ALMS1: variants seen among roughly 807,000 people sequenced by gnomAD.
ALMS1 encodes the protein centrosome-associated protein ALMS1.
ALMS1 carries 271 observed loss-of-function variants against 352.2 expected under a neutral mutation model. The ratio of observed to expected loss-of-function variants is 0.77; its 90% CI spans 0.70 to 0.85. ALMS1 has a LOEUF of 0.85. Ranked by LOEUF, ALMS1 falls within the 40% of genes least tolerant of loss-of-function variation. ALMS1 has a pLI of 0.00. For synonymous variants in ALMS1, 1,865 were observed against 1,761.2 expected (o/e 1.06, Z -1.48); for missense variants, 5,445 against 4,870.7 (o/e 1.12, Z -3.51).
At chr2:73,476,024 A>G (rs1044780136) in intron 9 of ALMS1, among the ~76,000 whole-genome samples, 1 of 151,982 alleles carries the variant, frequency 6.6e-6, no homozygotes, top group Admixed American at 6.6e-5. Context: ...CTGAAACTCT[A>G]TATCCATTAA....
At chr2:73,538,211 T>G (rs999795121) in intron 12 of ALMS1, among the ~76,000 whole-genome samples, 2 of 152,034 alleles carry the variant, frequency 1.3e-5, no homozygotes, top group Non-Finnish European at 2.9e-5. Flanking sequence ...TCAACAACAA[T>G]AACCCAAACA....
intron 11 of ALMS1, among the ~76,000 whole-genome samples, chr2:73,534,112 ATAAT>A (rs957996427): frequency 3.3e-5 from 5 of 152,198 alleles, no homozygotes; most frequent in African/African-American, 7.2e-5. Context: ...TTTATTATAA[ATAAT>A]AGAAAAGCTG....
chr2:73,397,957 C>T (rs1572898918), intron 1 of ALMS1, among the ~76,000 whole-genome samples: 1 of 152,144 alleles, frequency 6.6e-6, no homozygotes, highest in East Asian at 1.9e-4. Context: ...GTGTTTTTCA[C>T]AAAGCAGAAT....
chr2:73,602,178 C>G lies in ALMS1; in HGVS notation c.12115-7C>G. 6.2e-7 allele frequency: 1 copy of G among 1,603,884 alleles called. No individual in the cohort carries two copies. The highest frequency in any genetic ancestry group is 8.5e-7 in the Non-Finnish European group (1 of 1,175,784). ...GCTGGGCATTTTCTCTTTTTTTTTT[C>G]TTTTAGGAATCGCTTCAGTTTCACA... On this transcript the variant is annotated splice_region_variant and splice_polypyrimidine_tract_variant and intron_variant, in intron 19 of 22. Transcript: ENST00000613296.
At chr2:73,523,027 A>T (rs1356982318) in intron 11 of ALMS1, among the ~76,000 whole-genome samples, 1 of 152,160 alleles carries the variant, frequency 6.6e-6, no homozygotes, top group Non-Finnish European at 1.5e-5. Flanking sequence ...TATTTCTAAG[A>T]TCTTCCATCT....
At chr2:73,465,985 A>G (rs1672333574) in intron 9 of ALMS1, among the ~76,000 whole-genome samples, 1 of 147,314 alleles carries the variant, frequency 6.8e-6, no homozygotes, top group South Asian at 2.3e-4. Flanking sequence ...TCAGGAAACA[A>G]CAGGTGCTGG....
At chr2:73,475,263 G>A (rs902193253) in intron 9 of ALMS1, among the ~76,000 whole-genome samples, 3 of 151,994 alleles carry the variant, frequency 2.0e-5, no homozygotes, top group Admixed American at 6.6e-5. Context: ...AGAATTACTG[G>A]GACATACAGT....
chr2:73,505,930 A>C (rs923909513), intron 10 of ALMS1, among the ~76,000 whole-genome samples: 1 of 152,148 alleles, frequency 6.6e-6, no homozygotes, highest in African/African-American at 2.4e-5. Flanking sequence ...TTTAGGTCTT[A>C]CATTTAAGTC....
intron 16 of ALMS1, among the ~76,000 whole-genome samples, 163 bp from the exon 17 acceptor site, chr2:73,599,238 T>A (rs1316915235): frequency 5.3e-5 from 8 of 152,126 alleles, no homozygotes; most frequent in Non-Finnish European, 7.4e-5. Context: ...ATTCTCCCTA[T>A]CACAGATACA....
intron 15 of ALMS1, among the ~76,000 whole-genome samples, chr2:73,568,992 C>CCTCTT (rs1558697963): frequency 6.0e-5 from 4 of 66,904 alleles, no homozygotes; most frequent in African/African-American, 2.1e-4. Flanking sequence ...GCTGCTTCTG[C>CCTCTT]TTCTTTTTTT....
At chr2:73,427,649 C>T (rs1289846045) in intron 6 of ALMS1, among the ~76,000 whole-genome samples, 5 of 152,076 alleles carry the variant, frequency 3.3e-5, no homozygotes, top group Admixed American at 2.0e-4. Context: ...CCCCCTACCC[C>T]GCGACGGGCC....
intron 9 of ALMS1, among the ~76,000 whole-genome samples, chr2:73,481,301 C>T (rs1018939768): frequency 6.6e-6 from 1 of 152,186 alleles, no homozygotes; most frequent in African/African-American, 2.4e-5. Context: ...ATATGGCTAG[C>T]CAGTTTTCCC....
At chr2:73,500,460 G>A (rs1205115892) in intron 10 of ALMS1, among the ~76,000 whole-genome samples, 3 of 152,174 alleles carry the variant, frequency 2.0e-5, no homozygotes, top group Non-Finnish European at 2.9e-5. Context: ...TCACTCTTGA[G>A]ACCACATTTC....
At chr2:73,458,232 A>G (rs1672113223) in intron 9 of ALMS1, 1 of 152,106 alleles carries the variant, frequency 6.6e-6, no homozygotes, top group Non-Finnish European at 1.5e-5. Flanking sequence ...CATATTGGCC[A>G]CACTGTGTAC....
At chr2:73,467,331 A>T (rs184737784) in intron 9 of ALMS1, among the ~76,000 whole-genome samples, 9 of 152,290 alleles carry the variant, frequency 5.9e-5, no homozygotes, top group African/African-American at 1.9e-4. Context: ...ATAAATGAAG[A>T]TATCCAAGTG....
intron 9 of ALMS1, among the ~76,000 whole-genome samples, chr2:73,467,201 A>G (rs78552838): frequency 0.02 from 3,057 of 152,276 alleles, 104 homozygotes; most frequent in African/African-American, 0.069. Context: ...TGAAAAGTCA[A>G]GCTACACAGT....
chr2:73,563,435 A>C (rs898636262), intron 15 of ALMS1, among the ~76,000 whole-genome samples: 1 of 152,098 alleles, frequency 6.6e-6, no homozygotes, highest in Non-Finnish European at 1.5e-5. Context: ...AAAAAGAATG[A>C]AGGAGGGCAG....
intron 16 of ALMS1, among the ~76,000 whole-genome samples, chr2:73,586,113 TG>T (rs1486978534): frequency 1.3e-5 from 2 of 152,190 alleles, no homozygotes; most frequent in Non-Finnish European, 2.9e-5. Flanking sequence ...GCCCACTTTT[TG>T]TTGGGATTAT....
rs1263250868 is a variant in ALMS1, at chr2:73,573,287, AG to A, written c.11411del (p.Arg3804AsnfsTer28). On this transcript the variant is annotated frameshift_variant, in exon 16 of 23. Transcript: ENST00000613296. LOFTEE classifies it high-confidence loss of function. Reference sequence around the variant, plus strand: ...CCATGAAAGAGTATGCTTGTCACCCAGACGAATTAAATTATATAGCAGCATC... The same window carrying A: ...CCATGAAAGAGTATGCTTGTCACCCAACGAATTAAATTATATAGCAGCATC... ...FGHERVCLSP[R>X]RIKLYSSITN... is the part of the protein sequence containing the mutation. 1.2e-6 allele frequency: 2 copies of A among 1,614,120 alleles called. No homozygotes were observed. Among genetic ancestry groups the A allele is most frequent in the Non-Finnish European group, 1.7e-6 (2 of 1,180,006 alleles).
Sources: gnomAD v4.1 joint callset for allele counts (sites outside exome capture counted in the v4.1 genomes callset) on GRCh38, gnomAD v4.1.1 for gene constraint, MANE v1.5 for transcripts, NCBI Gene and HGNC (gene_info 2026-07-23, HGNC 2026-07-21) for gene names.